SOAT1: variants seen among roughly 807,000 people sequenced by gnomAD.
SOAT1 encodes sterol O-acyltransferase 1.
In SOAT1, 55 loss-of-function variants were observed where a neutral mutation model predicts 69.5. The ratio of observed to expected loss-of-function variants is 0.79; its 90% CI spans 0.64 to 0.99. The LOEUF (loss-of-function observed/expected upper bound fraction) is 0.99. SOAT1 is among the 50% of genes least tolerant of loss of function. SOAT1 has a pLI of 0.00. For missense variants in SOAT1, 580 were observed against 669.3 expected (o/e 0.87, Z 1.47); for synonymous variants, 231 against 224.7 (o/e 1.03, Z -0.25).
intron 1 of SOAT1, among the ~76,000 whole-genome samples, chr1:179,300,149 A>G (rs1664787446): frequency 6.6e-6 from 1 of 151,978 alleles, no homozygotes; most frequent in Admixed American, 6.6e-5. Context: ...TGGCCAGAAA[A>G]AAAAAGTCTC....
chr1:179,334,237 G>A (rs1666068857), intron 3 of SOAT1, among the ~76,000 whole-genome samples: 2 of 152,148 alleles, frequency 1.3e-5, no homozygotes, highest in East Asian at 1.9e-4. Context: ...TAGGTGGTGG[G>A]GGTTTCGCAT....
chr1:179,313,440 T>C (rs1377458599), intron 2 of SOAT1, among the ~76,000 whole-genome samples: 1 of 152,160 alleles, frequency 6.6e-6, no homozygotes, highest in African/African-American at 2.4e-5. Flanking sequence ...CATTTCTTTT[T>C]ACTTTTTAAT....
chr1:179,327,551 G>C (rs547601033), intron 3 of SOAT1, among the ~76,000 whole-genome samples: 2 of 152,162 alleles, frequency 1.3e-5, no homozygotes, highest in African/African-American at 2.4e-5. Context: ...AATACAGTAC[G>C]TCCAGTCGAA....
chr1:179,340,969 A>T (rs777613842), intron 6 of SOAT1, 59 bp from the exon 7 acceptor site: 1 of 1,502,356 alleles, frequency 6.7e-7, no homozygotes, highest in Non-Finnish European at 9.1e-7. Context: ...AAATTCTGTG[A>T]ACTCAGTGTA....
intron 3 of SOAT1, among the ~76,000 whole-genome samples, chr1:179,329,813 C>T (rs1446344603): frequency 6.6e-6 from 1 of 152,078 alleles, no homozygotes; most frequent in East Asian, 1.9e-4. Flanking sequence ...CCCAGAAATC[C>T]TGTGATTATT....
intron 11 of SOAT1, among the ~76,000 whole-genome samples, chr1:179,346,990 A>G (rs1426084514): frequency 1.3e-5 from 2 of 152,042 alleles, no homozygotes; most frequent in African/African-American, 2.4e-5. Flanking sequence ...ATTGTTTAAG[A>G]GGGGGGTATG....
chr1:179,335,807 A>T, intron 4 of SOAT1, 150 bp downstream of exon 4: 1 of 669,978 alleles, frequency 1.5e-6, no homozygotes, highest in Non-Finnish European at 2.4e-6. Context: ...TAACCATTTG[A>T]AGGAGGATGG....
At chr1:179,319,374 A>G (rs1432817434) in intron 2 of SOAT1, among the ~76,000 whole-genome samples, 2 of 150,226 alleles carry the variant, frequency 1.3e-5, no homozygotes, top group Non-Finnish European at 2.9e-5. Flanking sequence ...GGTTCAAGCT[A>G]TTCACCTGCC....
intron 2 of SOAT1, among the ~76,000 whole-genome samples, chr1:179,314,569 T>C (rs949565510): frequency 1.4e-4 from 22 of 152,152 alleles, no homozygotes; most frequent in African/African-American, 5.1e-4. Context: ...CCGAAGATTA[T>C]GTAGGGTAAA....
At chr1:179,330,756 C>T (rs1344160108) in intron 3 of SOAT1, among the ~76,000 whole-genome samples, 1 of 152,184 alleles carries the variant, frequency 6.6e-6, no homozygotes, top group Non-Finnish European at 1.5e-5. Context: ...GGCTGTGGTC[C>T]TCCTTATTGC....
chr1:179,309,990 C>T (rs1665166144), intron 2 of SOAT1, among the ~76,000 whole-genome samples: 2 of 152,052 alleles, frequency 1.3e-5, no homozygotes, highest in African/African-American at 4.8e-5. Context: ...GCCTCTGCCT[C>T]CCGGGTTCAA....
At chr1:179,331,916 A>G (rs1326077598) in intron 3 of SOAT1, among the ~76,000 whole-genome samples, 1 of 152,196 alleles carries the variant, frequency 6.6e-6, no homozygotes, top group Admixed American at 6.5e-5. Context: ...TCAGAGGAAG[A>G]AATAATTTTT....
At chr1:179,330,771 A>G (rs1198482109) in intron 3 of SOAT1, among the ~76,000 whole-genome samples, 2 of 152,196 alleles carry the variant, frequency 1.3e-5, no homozygotes. Flanking sequence ...TATTGCCCAC[A>G]TGGCTCTAGT....
chr1:179,298,973 C>T (rs1043143469), intron 1 of SOAT1, among the ~76,000 whole-genome samples: 1 of 152,166 alleles, frequency 6.6e-6, no homozygotes, highest in African/African-American at 2.4e-5. Context: ...GCCTGTTGTA[C>T]TCCAGGTACT....
chr1:179,313,782 C>G (rs1263308263), intron 2 of SOAT1, among the ~76,000 whole-genome samples: 3 of 152,198 alleles, frequency 2.0e-5, no homozygotes, highest in African/African-American at 4.8e-5. Context: ...CGGGGTTTCC[C>G]CATGTTGGTC....
intron 2 of SOAT1, among the ~76,000 whole-genome samples, chr1:179,304,429 C>T (rs1386685729): frequency 6.6e-6 from 1 of 151,986 alleles, no homozygotes; most frequent in African/African-American, 2.4e-5. Flanking sequence ...AAGCATGCGT[C>T]ACCACGTGCA....
In SOAT1 at chr1:179,309,825, A is replaced by G. The variant is rs114822253; in HGVS notation, c.118+7023A>G. On this transcript the variant is annotated intron_variant, in intron 2 of 15. Coordinates refer to ENST00000367619, the MANE Select transcript of SOAT1 (RefSeq NM_003101.6). ...TTTGCTTATGTATGTGTGCTTTGCC[A>G]TGTTTTGTTTTTATATATCAAATAT... Among the ~76,000 whole-genome samples, 1,084 of 152,064 alleles carry G rather than the reference A, an allele frequency of 7.1e-3. 12 individuals are homozygous for G. The highest frequency in any genetic ancestry group is 0.024 in the African/African-American group (996 of 41,508).
chr1:179,334,497 TTTGTGAAA>T (rs1666078259), intron 3 of SOAT1, among the ~76,000 whole-genome samples: 2 of 152,126 alleles, frequency 1.3e-5, no homozygotes, highest in Non-Finnish European at 2.9e-5. Context: ...AGTCAAGAAC[TTTGTGAAA>T]TTGTGTTGGC....
At position 179,341,115 on chromosome 1, in the gene SOAT1, A is replaced by T. The variant is rs763241916; in HGVS notation, c.585A>T (p.Thr195=). 2.5e-5 allele frequency: 40 copies of T among 1,613,786 alleles called. No homozygotes were observed. The highest frequency in any genetic ancestry group is 3.1e-5 in the Non-Finnish European group (37 of 1,179,958). Residue 195 remains threonine, a synonymous_variant, in exon 7 of 16, where the codon ACA becomes ACT. Transcript: ENST00000367619. The part of the protein sequence containing the change: ...VWTWWIMFLS[T]FSVPYFLFQH... The stretch of plus-strand genomic sequence containing the variant: ...CCTGGTGGATCATGTTCCTGTCTAC[A>T]TTTTCAGTTCCCTATTTTCTGTTTC...
Sources: gnomAD v4.1 joint callset for allele counts (sites outside exome capture counted in the v4.1 genomes callset) on GRCh38, gnomAD v4.1.1 for gene constraint, MANE v1.5 for transcripts, NCBI Gene and HGNC (gene_info 2026-07-23, HGNC 2026-07-21) for gene names.